The following TTC6 variants were observed in gnomAD, a reference collection of about 807,000 sequenced individuals.
TTC6 encodes the protein tetratricopeptide repeat protein 6.
A neutral mutation model predicts 210.4 loss-of-function variants in TTC6; 172 were observed. The observed-to-expected ratio is 0.82, with a 90% CI of 0.72 to 0.93. The LOEUF is 0.93. Ranked by LOEUF, TTC6 falls within the 40% of genes least tolerant of loss-of-function variation. TTC6 has a pLI of 0.00. For missense variants in TTC6, 2,414 were observed against 2,318.1 expected, an observed-to-expected ratio of 1.04 and a Z score of -0.85; for synonymous variants, 804 against 819.6, an observed-to-expected ratio of 0.98 and a Z score of 0.32.
intron 14 of TTC6, among the ~76,000 whole-genome samples, chr14:37,780,827 G>A (rs771774651): frequency 7.9e-5 from 12 of 151,990 alleles, no homozygotes; most frequent in Admixed American, 2.0e-4. Flanking sequence ...CCCTCCCTGT[G>A]TCTATGTGTT....
chr14:37,769,690 T>C (rs980146200), intron 14 of TTC6, among the ~76,000 whole-genome samples: 34 of 150,426 alleles, frequency 2.3e-4, no homozygotes, highest in Admixed American at 1.1e-3. Flanking sequence ...GATTCTTCTC[T>C]CTTTTTTTCT....
chr14:37,751,520 TG>T (rs2095951955), intron 13 of TTC6, among the ~76,000 whole-genome samples: 1 of 152,164 alleles, frequency 6.6e-6, no homozygotes, highest in Admixed American at 6.5e-5. Flanking sequence ...CATGCTACAG[TG>T]GTTAAAGAAG....
At chr14:37,799,126 CTT>C in intron 20 of TTC6, among the ~76,000 whole-genome samples, 1 of 152,026 alleles carries the variant, frequency 6.6e-6, no homozygotes, top group Middle Eastern at 3.4e-3. Flanking sequence ...AGGATGTCTT[CTT>C]TGAAAGATTA....
chr14:37,825,770 T>C (rs1234283253), intron 27 of TTC6, among the ~76,000 whole-genome samples: 1 of 152,082 alleles, frequency 6.6e-6, no homozygotes, highest in African/African-American at 2.4e-5. Flanking sequence ...TCAATACATA[T>C]TTATGTTATT....
intron 26 of TTC6, among the ~76,000 whole-genome samples, chr14:37,821,075 C>CTT (rs1304357079): frequency 7.2e-6 from 1 of 138,224 alleles, no homozygotes; most frequent in African/African-American, 2.7e-5. Flanking sequence ...TTTTTCCTTT[C>CTT]TTTTTTTTTT....
chr14:37,633,692 T>C (rs1165686214), intron 1 of TTC6, among the ~76,000 whole-genome samples: 1 of 152,198 alleles, frequency 6.6e-6, no homozygotes, highest in African/African-American at 2.4e-5. Context: ...CAGTGGAGTG[T>C]CTAAACTTTC....
intron 1 of TTC6, among the ~76,000 whole-genome samples, chr14:37,657,277 G>C (rs2095726185): frequency 6.8e-6 from 1 of 146,532 alleles, no homozygotes. Flanking sequence ...AATTCTGAGT[G>C]AGTGTTTAAG....
chr14:37,749,821 T>A (rs1366311024), exon 12 of TTC6: 1 of 1,408,626 alleles, frequency 7.1e-7, no homozygotes, highest in South Asian at 1.6e-5. Context: ...ATTATATACA[T>A]AAATATAATA....
intron 6 of TTC6, among the ~76,000 whole-genome samples, chr14:37,717,745 TA>T (rs967244852): frequency 6.7e-6 from 1 of 149,920 alleles, no homozygotes; most frequent in African/African-American, 2.5e-5. Flanking sequence ...ACAAAGACAG[TA>T]AAAAAAACAA....
At chr14:37,762,055 T>C (rs2095986222) in intron 14 of TTC6, among the ~76,000 whole-genome samples, 3 of 152,220 alleles carry the variant, frequency 2.0e-5, no homozygotes, top group Non-Finnish European at 4.4e-5. Flanking sequence ...AGATTCCACA[T>C]ATAAACGAGA....
chr14:37,795,508 C>A (rs1303167209), intron 18 of TTC6, among the ~76,000 whole-genome samples, 156 bp downstream of exon 20: 2 of 152,130 alleles, frequency 1.3e-5, no homozygotes, highest in East Asian at 3.9e-4. Flanking sequence ...GTTTGTTAAA[C>A]TTTGAGATAG....
intron 14 of TTC6, among the ~76,000 whole-genome samples, chr14:37,768,642 CA>C (rs1314745540): frequency 1.3e-5 from 2 of 150,320 alleles, no homozygotes; most frequent in Admixed American, 6.6e-5. Flanking sequence ...GATTTTTGTA[CA>C]TTGATTTTGT....
intron 1 of TTC6, among the ~76,000 whole-genome samples, chr14:37,655,666 G>A (rs1189310588): frequency 2.0e-5 from 3 of 152,146 alleles, no homozygotes; most frequent in Non-Finnish European, 4.4e-5. Flanking sequence ...CCCAAATAAT[G>A]TGCACAGGGA....
chr14:37,683,178 A>G (rs1000459134), intron 3 of TTC6, among the ~76,000 whole-genome samples: 4 of 152,014 alleles, frequency 2.6e-5, no homozygotes, highest in South Asian at 2.1e-4. Context: ...CCTAATTGCA[A>G]CTCTGGGGAG....
At chr14:37,828,148 T>C (rs1315671708) in intron 29 of TTC6, among the ~76,000 whole-genome samples, 1 of 152,126 alleles carries the variant, frequency 6.6e-6, no homozygotes, top group Non-Finnish European at 1.5e-5. Context: ...TTAATCTCTT[T>C]GGACTTCAAT....
intron 6 of TTC6, among the ~76,000 whole-genome samples, chr14:37,723,063 T>C (rs1220764299): frequency 6.6e-6 from 1 of 152,234 alleles, no homozygotes; most frequent in East Asian, 1.9e-4. Context: ...ATTATTATTA[T>C]TAGTTTTGAT....
chr14:37,668,728 G>C (rs2095752896), intron 1 of TTC6, among the ~76,000 whole-genome samples: 1 of 152,186 alleles, frequency 6.6e-6, no homozygotes, highest in African/African-American at 2.4e-5. Context: ...GGTGTGGACA[G>C]AGTGAGAGGT....
intron 5 of TTC6, among the ~76,000 whole-genome samples, chr14:37,702,230 C>CT (rs1260341284): frequency 6.6e-6 from 1 of 152,128 alleles, no homozygotes; most frequent in Non-Finnish European, 1.5e-5. Context: ...TACCAGGTTA[C>CT]TTGCTGAAGT....
chr14:37,615,754 C>A (rs1443060145), intron 2 of TTC6, among the ~76,000 whole-genome samples: 1 of 151,166 alleles, frequency 6.6e-6, no homozygotes, highest in African/African-American at 2.4e-5. Flanking sequence ...GGGATCTGTT[C>A]AATTTTCTTT....
Sources: allele counts gnomAD v4.1 joint callset (sites outside exome capture counted in the v4.1 genomes callset), GRCh38; gene constraint gnomAD v4.1.1; transcripts MANE v1.5; gene names NCBI Gene and HGNC (gene_info 2026-07-23, HGNC 2026-07-21).